SH2B3: variants seen among roughly 807,000 people sequenced by gnomAD.
SH2B3 encodes SH2B adaptor protein 3, also known as SH2B adapter protein 3.
In SH2B3, 43 loss-of-function variants were observed where a neutral mutation model predicts 51.9. The observed-to-expected ratio is 0.83, with a 90% CI of 0.65 to 1.07. The LOEUF (loss-of-function observed/expected upper bound fraction) is 1.07, where lower values mean the gene tolerates loss of function less well. Among genes scored for constraint, SH2B3 ranks in the 50% least tolerant of loss-of-function variants. The pLI is 0.00. For missense variants in SH2B3, 952 were observed against 834.3 expected, an observed-to-expected ratio of 1.14 and a Z score of -1.74; for synonymous variants, 396 against 376.0, an observed-to-expected ratio of 1.05 and a Z score of -0.62.
Position 111,451,085 on chromosome 12 carries a change from T to TAACA in SH2B3, c.*2784_*2787dup, listed in dbSNP as rs1233866747. 12 of 152,850 alleles carry TAACA rather than the reference T, an allele frequency of 7.9e-5. No homozygotes were observed. Among genetic ancestry groups the TAACA allele is most frequent in the Middle Eastern group, 3.4e-3 (1 of 294 alleles). The allele number at this position is 152,850 out of a possible 1,614,324, so 9.5% of individuals were successfully genotyped here. A position where few individuals can be genotyped will look rare whatever the true frequency, so the allele number is the denominator to read the frequency against. ...TCTGACTTATTGAACTTTTACAAAC[T>TAACA]AACAGTCACCAGCACCAAAGAATTA... On this transcript the variant is annotated 3_prime_UTR_variant, in exon 8 of 8. Coordinates refer to ENST00000341259, the MANE Select transcript of SH2B3 (RefSeq NM_005475.3).
chr12:111,412,722 C>T lies in SH2B3; in HGVS notation c.-27-5397C>T, dbSNP rs115521142. ...GTAGCTGGGACTACAGGCCCAGCCACCATGCCAGGCTAATTTTTTTGTATT... is the reference window on the plus strand; with the variant it reads ...GTAGCTGGGACTACAGGCCCAGCCATCATGCCAGGCTAATTTTTTTGTATT... On this transcript the variant is annotated intron_variant, in intron 1 of 7. Transcript: ENST00000341259. Among the ~76,000 whole-genome samples the T allele has an allele frequency of 5.3e-3, 808 of 152,218 alleles. 9 individuals carry two copies. The highest frequency in any genetic ancestry group is 0.019 in the African/African-American group (784 of 41,518).
In SH2B3 at chr12:111,418,521, C is replaced by A; in HGVS notation, c.376C>A (p.Pro126Thr). The change falls in exon 2 of 8, where the codon CCG (proline) becomes ACG (threonine). Residue 126 changes from proline (P) to threonine (T), a missense_variant. By Grantham distance (38) the Pro-to-Thr change is conservative. Coordinates refer to ENST00000341259, the MANE Select transcript of SH2B3 (RefSeq NM_005475.3). This position sits in a 1 kb window ranked among gnomAD's most constrained non-coding sequence, Gnocchi z 6.7. ...GGCCCGCAGCTCTGAGGAGCTGGCC[C>A]CGCCGCGGCCGCCCGGGCCCTGCTC... is the stretch of plus-strand genomic sequence containing the variant. ...PKARSSEELA[P>T]PRPPGPCSFQ... The A allele has an allele frequency of 7.2e-7, 1 of 1,390,510 alleles. No individual in the cohort carries two copies. The highest frequency in any genetic ancestry group is 9.3e-7 in the Non-Finnish European group (1 of 1,073,826). 86.1% of individuals were successfully genotyped at this position (1,390,510 alleles called of 1,614,324 possible).
chr12:111,413,565 G>C (rs2135538701), intron 1 of SH2B3, among the ~76,000 whole-genome samples: 1 of 152,362 alleles, frequency 6.6e-6, no homozygotes, highest in Admixed American at 6.5e-5. Flanking sequence ...GCTCCTGCCA[G>C]GGTTTGGCCC....
chr12:111,417,239 G>A (rs927429341), intron 1 of SH2B3, among the ~76,000 whole-genome samples: 8 of 152,198 alleles, frequency 5.3e-5, no homozygotes, highest in Admixed American at 2.6e-4. Flanking sequence ...CATTATAAAC[G>A]TTTTAGCAGG....
At chr12:111,440,695 C>T (rs1013589860) in intron 2 of SH2B3, among the ~76,000 whole-genome samples, 7 of 152,214 alleles carry the variant, frequency 4.6e-5, no homozygotes, top group Non-Finnish European at 8.8e-5. Flanking sequence ...ATCCCCACTT[C>T]GGAGAATATT....
intron 1 of SH2B3, among the ~76,000 whole-genome samples, chr12:111,416,142 C>G (rs1218229133): frequency 6.6e-6 from 1 of 151,918 alleles, no homozygotes; most frequent in Non-Finnish European, 1.5e-5. Context: ...TGGGGTTTCA[C>G]CGTGTTAGCC....
At chr12:111,411,117 G>A (rs1402119803) in intron 1 of SH2B3, among the ~76,000 whole-genome samples, 1 of 151,232 alleles carries the variant, frequency 6.6e-6, no homozygotes, top group Non-Finnish European at 1.5e-5. Flanking sequence ...TGTAATCCCA[G>A]CACTTTGGAA....
At position 111,409,648 on chromosome 12, in the gene SH2B3, C is replaced by A. The variant is rs1304573683; in HGVS notation, c.-28+3371C>A. On this transcript the variant is annotated intron_variant, in intron 1 of 7. Transcript: ENST00000341259. The surrounding 1 kb of genome is among the most constrained non-coding windows in gnomAD (Gnocchi z 4.0). Reference sequence around the variant, plus strand: ...CTTGCTGAGTCAGGCCTTATTGGACCCAGGAGTCCTGCACCCCACCTCCCC... The same window carrying A: ...CTTGCTGAGTCAGGCCTTATTGGACACAGGAGTCCTGCACCCCACCTCCCC... Among the ~76,000 whole-genome samples, 1 of 152,112 alleles carries A rather than the reference C, an allele frequency of 6.6e-6. No individual in the cohort carries two copies. The highest frequency in any genetic ancestry group is 1.5e-5 in the Non-Finnish European group (1 of 67,998).
Position 111,418,514 on chromosome 12 carries a change from G to A in SH2B3, c.369G>A (p.Glu123=). Residue 123 remains glutamate, a synonymous_variant, in exon 2 of 8, where the codon GAG becomes GAA. Transcript: ENST00000341259. The surrounding 1 kb of genome is among the most constrained non-coding windows in gnomAD (Gnocchi z 6.7). ...TGCCCAAGGCCCGCAGCTCTGAGGA[G>A]CTGGCCCCGCCGCGGCCGCCCGGGC... is the stretch of plus-strand genomic sequence containing the variant. ...PGLPKARSSE[E]LAPPRPPGPC... 2 of 1,385,466 alleles carry A rather than the reference G, an allele frequency of 1.4e-6. No homozygotes were observed. The highest frequency in any genetic ancestry group is 1.9e-6 in the Non-Finnish European group (2 of 1,071,316). The allele number at this position is 1,385,466 out of a possible 1,614,324, so 85.8% of individuals were successfully genotyped here.
chr12:111,427,270 C>T (rs1872082635), intron 2 of SH2B3, among the ~76,000 whole-genome samples: 1 of 151,894 alleles, frequency 6.6e-6, no homozygotes, highest in African/African-American at 2.4e-5. Context: ...CCTATAATCC[C>T]AGCTACTCGG....
rs1252999128 is a variant in SH2B3 at position 111,418,916 on chromosome 12, C to CG, written c.732+40dup. The CG allele has an allele frequency of 7.3e-7, 1 of 1,366,766 alleles. No homozygotes were observed. Among genetic ancestry groups the CG allele is most frequent in the African/African-American group, 1.5e-5 (1 of 64,836 alleles). The allele number at this position is 1,366,766 out of a possible 1,614,324, so 84.7% of individuals were successfully genotyped here. The stretch of plus-strand genomic sequence containing the variant: ...GCCCGCGGGGTTGCGCACTGCACTG[C>CG]GCCCTTCGCCTTCACCCTGGGGAGA... On this transcript the variant is annotated intron_variant, in intron 2 of 7. Coordinates refer to ENST00000341259, the MANE Select transcript of SH2B3 (RefSeq NM_005475.3). This position sits in a 1 kb window ranked among gnomAD's most constrained non-coding sequence, Gnocchi z 6.7.
chr12:111,415,619 ATT>A (rs539807079), intron 1 of SH2B3, among the ~76,000 whole-genome samples: 8 of 122,786 alleles, frequency 6.5e-5, no homozygotes, highest in African/African-American at 8.9e-5. Flanking sequence ...TGTGTGTGTG[ATT>A]TTTTTTTTTT....
In SH2B3 at chr12:111,418,665, G is replaced by T; in HGVS notation, c.520G>T (p.Ala174Ser). The change falls in exon 2 of 8, where the codon GCC (alanine) becomes TCC (serine). Residue 174 changes from alanine (A) to serine (S), a missense_variant. By Grantham distance (99) the Ala-to-Ser change is moderately conservative. Transcript: ENST00000341259. This position sits in a 1 kb window ranked among gnomAD's most constrained non-coding sequence, Gnocchi z 6.7. ...GTPGEAAETP[A>S]RPGLAKKFLP... ...CCCCGGAGAGGCTGCTGAGACCCCC[G>T]CCCGGCCTGGCCTGGCCAAGAAGTT... The T allele has an allele frequency of 1.3e-6, 2 of 1,484,862 alleles. No homozygotes were observed. Among genetic ancestry groups the T allele is most frequent in the South Asian group, 1.3e-5 (1 of 79,274 alleles). 92.0% of individuals were successfully genotyped at this position (1,484,862 alleles called of 1,614,324 possible).
intron 2 of SH2B3, among the ~76,000 whole-genome samples, chr12:111,433,275 CAGG>C (rs1345579054): frequency 6.6e-6 from 1 of 152,044 alleles, no homozygotes; most frequent in East Asian, 1.9e-4. Context: ...CACTTGAACC[CAGG>C]AGGTGGAGGC....
At chr12:111,436,965 C>T (rs549687083) in intron 2 of SH2B3, among the ~76,000 whole-genome samples, 4 of 152,136 alleles carry the variant, frequency 2.6e-5, no homozygotes, top group African/African-American at 9.6e-5. Context: ...TTGCCCACAC[C>T]ACACTCAGTC....
In SH2B3 at chr12:111,431,936, G is replaced by A. The variant is rs141426716; in HGVS notation, c.732+13059G>A. 2.8e-3 allele frequency among the ~76,000 whole-genome samples: 419 copies of A among 152,136 alleles called. 7 individuals carry two copies. The highest frequency in any genetic ancestry group is 9.8e-3 in the African/African-American group (406 of 41,502). ...CTTCTCTGTCTTTAACTTTGCCTCC[G>A]CCTCCAAATTCCAATTCCTTCAGCA... On this transcript the variant is annotated intron_variant, in intron 2 of 7. Coordinates refer to ENST00000341259, the MANE Select transcript of SH2B3 (RefSeq NM_005475.3).
rs1304364350 is a variant in SH2B3, at chr12:111,429,645, A to G, written c.732+10768A>G. Among the ~76,000 whole-genome samples the G allele has an allele frequency of 3.3e-5, 5 of 152,142 alleles. No homozygotes were observed. The highest frequency in any genetic ancestry group is 7.4e-5 in the Non-Finnish European group (5 of 68,012). On this transcript the variant is annotated intron_variant, in intron 2 of 7. Coordinates refer to ENST00000341259, the MANE Select transcript of SH2B3 (RefSeq NM_005475.3). This position sits in a 1 kb window ranked among gnomAD's most constrained non-coding sequence, Gnocchi z 4.4. ...TACCGCGCCCGGCCCATTTTTATTA[A>G]TTGGTTTTCATGTGACAGGCACTGT...
intron 2 of SH2B3, among the ~76,000 whole-genome samples, chr12:111,426,455 G>A (rs1872008673): frequency 6.6e-6 from 1 of 150,618 alleles, no homozygotes; most frequent in Non-Finnish European, 1.5e-5. Context: ...CAAACTCCTG[G>A]CCCTAAGTGA....
At chr12:111,434,774 T>G in intron 2 of SH2B3, 1 of 1,463,118 alleles carries the variant, frequency 6.8e-7, no homozygotes, top group East Asian at 2.5e-5. Flanking sequence ...GTGGCTGGTG[T>G]GATTTCCTGT....
Sources: gnomAD v4.1 joint callset for allele counts (sites outside exome capture counted in the v4.1 genomes callset) on GRCh38, gnomAD v4.1.1 for gene constraint, Gnocchi (gnomAD v3.1) non-coding constraint, MANE v1.5 for transcripts, NCBI Gene and HGNC (gene_info 2026-07-23, HGNC 2026-07-21) for gene names.